The following CPSF3 variants were observed in gnomAD, a reference collection of about 807,000 sequenced individuals.
CPSF3 encodes the protein cleavage and polyadenylation specific factor 3.
CPSF3 carries 57 observed loss-of-function variants against 84.1 expected under a neutral mutation model. The observed-to-expected ratio is 0.68, with a 90% CI of 0.55 to 0.85. The LOEUF (loss-of-function observed/expected upper bound fraction) is 0.85, where lower values mean the gene tolerates loss of function less well. CPSF3 is among the 40% of genes least tolerant of loss of function. The pLI, the probability that CPSF3 is intolerant of heterozygous loss-of-function variation, is 0.00. For synonymous variants in CPSF3, 275 were observed against 278.1 expected, an observed-to-expected ratio of 0.99 and a Z score of 0.11; for missense variants, 522 against 838.8, an observed-to-expected ratio of 0.62 and a Z score of 4.66.
In CPSF3 at chr2:9,439,376, G is replaced by A. The variant is rs148657994; in HGVS notation, c.761-1115G>A. 1.9e-3 allele frequency among the ~76,000 whole-genome samples: 281 copies of A among 151,774 alleles called. 2 individuals are homozygous for A. Among genetic ancestry groups the A allele is most frequent in the Non-Finnish European group, 3.4e-3 (233 of 67,962 alleles). The stretch of plus-strand genomic sequence containing the variant: ...TAGTCCCAGCTACTCTGGAGGTTGA[G>A]GCAGGAGAATGGCATGAACCCGGGA... On this transcript the variant is annotated intron_variant, in intron 7 of 17. Transcript: ENST00000238112.
chr2:9,460,254 C>T (rs1325022262), intron 15 of CPSF3, among the ~76,000 whole-genome samples: 1 of 152,010 alleles, frequency 6.6e-6, no homozygotes, highest in East Asian at 1.9e-4. Context: ...ACGGTGAAAC[C>T]TCGTCTCTAC....
intron 8 of CPSF3, chr2:9,441,586 G>A (rs1241395218): frequency 2.1e-6 from 1 of 484,920 alleles, no homozygotes; most frequent in African/African-American, 1.9e-5. Flanking sequence ...ACCAACAGAA[G>A]GTTTTGAAGA....
At chr2:9,430,142 G>A in intron 3 of CPSF3, 122 bp downstream of exon 3, 1 of 607,808 alleles carries the variant, frequency 1.6e-6, no homozygotes, top group Non-Finnish European at 2.8e-6. Context: ...GCATATTGCA[G>A]ACATCTGAGT....
At chr2:9,466,914 G>T (rs1276589443) in intron 15 of CPSF3, among the ~76,000 whole-genome samples, 2 of 152,158 alleles carry the variant, frequency 1.3e-5, no homozygotes, top group African/African-American at 4.8e-5. Flanking sequence ...ATCTGTTAAT[G>T]GATACTTCGG....
intron 12 of CPSF3, among the ~76,000 whole-genome samples, 195 bp downstream of exon 12, chr2:9,453,216 G>T (rs1245335227): frequency 6.6e-6 from 1 of 152,196 alleles, no homozygotes. Flanking sequence ...GAAATTATTG[G>T]TGAAATCACT....
intron 12 of CPSF3, 60 bp from the exon 13 acceptor site, chr2:9,455,599 T>C: frequency 8.6e-7 from 1 of 1,164,434 alleles, no homozygotes; most frequent in Non-Finnish European, 1.3e-6. Flanking sequence ...TTTTCTTTGC[T>C]CCTGGTATGT....
chr2:9,457,641 G>A (rs139351673), intron 14 of CPSF3, among the ~76,000 whole-genome samples: 1 of 152,244 alleles, frequency 6.6e-6, no homozygotes, highest in Non-Finnish European at 1.5e-5. Context: ...TTCAAAGTGA[G>A]TCCTATCATT....
At chr2:9,447,504 G>A (rs986572810) in intron 10 of CPSF3, among the ~76,000 whole-genome samples, 2 of 151,894 alleles carry the variant, frequency 1.3e-5, no homozygotes, top group Admixed American at 6.6e-5. Context: ...ATATGAGGTA[G>A]GCCAGGCACA....
At chr2:9,459,180 AGG>A (rs1221102909) in intron 14 of CPSF3, among the ~76,000 whole-genome samples, 1 of 152,138 alleles carries the variant, frequency 6.6e-6, no homozygotes, top group Non-Finnish European at 1.5e-5. Flanking sequence ...TATAAGCATT[AGG>A]AATTTGAGTT....
intron 10 of CPSF3, among the ~76,000 whole-genome samples, chr2:9,447,163 T>C (rs1435754587): frequency 1.3e-5 from 2 of 152,138 alleles, no homozygotes; most frequent in African/African-American, 4.8e-5. Context: ...TATAAAGTAA[T>C]AAAATGTTCC....
chr2:9,443,330 CATT>C (rs1276783538), intron 9 of CPSF3, among the ~76,000 whole-genome samples, 182 bp from the exon 10 acceptor site: 1 of 152,068 alleles, frequency 6.6e-6, no homozygotes, highest in Non-Finnish European at 1.5e-5. Context: ...TTACTTTTCT[CATT>C]AAATGTTTGC....
chr2:9,454,539 C>CTT lies in CPSF3; in HGVS notation c.1505-1100_1505-1099dup, dbSNP rs36115189. On this transcript the variant is annotated intron_variant, in intron 12 of 17. Coordinates refer to ENST00000238112, the MANE Select transcript of CPSF3 (RefSeq NM_016207.4). ...TTCTGAGTTAGTGAGCTCTTATACTCTTTTTTTTTTTTTTTTTTTTTGAGA... is the reference window on the plus strand; with the variant it reads ...TTCTGAGTTAGTGAGCTCTTATACTCTTTTTTTTTTTTTTTTTTTTTTTGAGA... Among the ~76,000 whole-genome samples the CTT allele has an allele frequency of 1.6e-3, 144 of 87,980 alleles. 2 individuals carry two copies. The highest frequency in any genetic ancestry group is 3.1e-3 in the East Asian group (13 of 4,190). 57.7% of individuals were successfully genotyped at this position (87,980 alleles called of 152,430 possible). A position where few individuals can be genotyped will look rare whatever the true frequency, so the allele number is the denominator to read the frequency against.
chr2:9,444,378 G>A (rs1367063291), intron 10 of CPSF3, among the ~76,000 whole-genome samples: 1 of 151,548 alleles, frequency 6.6e-6, no homozygotes. Context: ...CACCCGCCTC[G>A]GCCTCCCAAA....
At chr2:9,451,802 C>T (rs1252687639) in intron 11 of CPSF3, among the ~76,000 whole-genome samples, 2 of 151,268 alleles carry the variant, frequency 1.3e-5, no homozygotes, top group Non-Finnish European at 2.9e-5. Flanking sequence ...CTGCAAGCTC[C>T]GCCTCCCAGG....
At chr2:9,434,121 C>T (rs1680692434) in intron 6 of CPSF3, among the ~76,000 whole-genome samples, 161 bp downstream of exon 6, 1 of 152,028 alleles carries the variant, frequency 6.6e-6, no homozygotes, top group Admixed American at 6.6e-5. Context: ...TGGCTCACAC[C>T]TGTAATCCTA....
At chr2:9,432,867 C>T (rs570669141) in intron 5 of CPSF3, among the ~76,000 whole-genome samples, 179 bp downstream of exon 5, 5 of 152,122 alleles carry the variant, frequency 3.3e-5, no homozygotes, top group African/African-American at 1.2e-4. Flanking sequence ...ACCTCCATTA[C>T]AATACTTTCT....
chr2:9,457,307 T>C (rs891341710), intron 14 of CPSF3, among the ~76,000 whole-genome samples: 1 of 152,108 alleles, frequency 6.6e-6, no homozygotes, highest in East Asian at 1.9e-4. Context: ...AATATAGTCC[T>C]TTCCTATAAG....
intron 1 of CPSF3, 27 bp from the exon 2 acceptor site, chr2:9,428,738 T>A (rs1343707256): frequency 6.5e-7 from 1 of 1,543,958 alleles, no homozygotes; most frequent in Admixed American, 1.7e-5. Context: ...TTTTAATCCT[T>A]CTTTTTCTCC....
intron 9 of CPSF3, 122 bp downstream of exon 9, chr2:9,442,098 G>C: frequency 9.9e-7 from 1 of 1,008,208 alleles, no homozygotes; most frequent in Non-Finnish European, 1.5e-6. Flanking sequence ...TTTTAAAAAT[G>C]AGGACGGGAA....
Sources: allele counts gnomAD v4.1 joint callset (sites outside exome capture counted in the v4.1 genomes callset), GRCh38; gene constraint gnomAD v4.1.1; transcripts MANE v1.5; gene names NCBI Gene and HGNC (gene_info 2026-07-23, HGNC 2026-07-21).